Variants in AHCYL2 observed in about 807,000 individuals in gnomAD.
AHCYL2 encodes S-adenosylhomocysteine hydrolase-like protein 2.
In AHCYL2, 28 loss-of-function variants were observed where a neutral mutation model predicts 81.4. The ratio of observed to expected loss-of-function variants is 0.34; its 90% CI spans 0.25 to 0.47. The LOEUF (loss-of-function observed/expected upper bound fraction) is 0.47, where lower values mean the gene tolerates loss of function less well. Among genes scored for constraint, AHCYL2 ranks in the 20% least tolerant of loss-of-function variants. The pLI, the probability that AHCYL2 is intolerant of heterozygous loss-of-function variation, is 1.00. For missense variants in AHCYL2, 551 were observed against 785.1 expected, an observed-to-expected ratio of 0.70 and a Z score of 3.56; for synonymous variants, 272 against 290.2, an observed-to-expected ratio of 0.94 and a Z score of 0.64.
chr7:129,297,331 G>C (rs962198110), intron 1 of AHCYL2, among the ~76,000 whole-genome samples: 2 of 152,156 alleles, frequency 1.3e-5, no homozygotes, highest in African/African-American at 4.8e-5. Context: ...TTAGGACCGG[G>C]CTGAGTTGTG....
chr7:129,262,749 G>A (rs2566878), intron 1 of AHCYL2, among the ~76,000 whole-genome samples: 18,531 of 152,120 alleles, frequency 0.12, 1,496 homozygotes, highest in African/African-American at 0.24. Flanking sequence ...AGATTTCAGG[G>A]CTTCTCTGGG....
intron 1 of AHCYL2, among the ~76,000 whole-genome samples, chr7:129,269,650 T>G (rs1795939455): frequency 6.6e-6 from 1 of 152,046 alleles, no homozygotes; most frequent in Non-Finnish European, 1.5e-5. Flanking sequence ...TGCCTAGGCT[T>G]GTCTTGAACT....
chr7:129,388,516 G>A (rs1795304661), intron 2 of AHCYL2, among the ~76,000 whole-genome samples: 1 of 152,132 alleles, frequency 6.6e-6, no homozygotes, highest in African/African-American at 2.4e-5. Context: ...ATGTCTAATT[G>A]GGTCTGCAGG....
intron 1 of AHCYL2, among the ~76,000 whole-genome samples, chr7:129,293,919 C>T (rs1796962229): frequency 6.6e-6 from 1 of 152,100 alleles, no homozygotes. Context: ...ATTGTTAATT[C>T]ACTTTTAGGA....
chr7:129,374,960 C>G (rs1794605983), intron 1 of AHCYL2, among the ~76,000 whole-genome samples: 1 of 150,934 alleles, frequency 6.6e-6, no homozygotes, highest in Non-Finnish European at 1.5e-5. Flanking sequence ...CACTATGTCT[C>G]TTTCAGAAAT....
At chr7:129,362,597 GTTTTTTTTTTTT>G (rs769346623) in intron 1 of AHCYL2, among the ~76,000 whole-genome samples, 13 of 63,646 alleles carry the variant, frequency 2.0e-4, no homozygotes, top group South Asian at 7.8e-4. Flanking sequence ...TGGTTTTCTT[GTTTTTTTTTTTT>G]TTTTTTTTTT....
intron 1 of AHCYL2, among the ~76,000 whole-genome samples, chr7:129,362,601 T>TTG (rs1793970282): frequency 1.6e-5 from 2 of 126,150 alleles, no homozygotes; most frequent in Admixed American, 1.5e-4. Flanking sequence ...TTTCTTGTTT[T>TTG]TTTTTTTTTT....
chr7:129,419,529 G>A lies in AHCYL2; in HGVS notation c.1462-3311G>A, dbSNP rs904896459. ...AGATCACGCCACTGCACTCTAGCCT[G>A]GATGACAGAGTGAGACTCCGTCTCA... On this transcript the variant is annotated intron_variant, in intron 12 of 16. Transcript: ENST00000325006. The surrounding 1 kb of genome is among the most constrained non-coding windows in gnomAD (Gnocchi z 4.7). 2.0e-5 allele frequency among the ~76,000 whole-genome samples: 3 copies of A among 152,082 alleles called. No homozygotes were observed. The highest frequency in any genetic ancestry group is 7.2e-5 in the African/African-American group (3 of 41,408).
intron 1 of AHCYL2, among the ~76,000 whole-genome samples, chr7:129,339,954 C>T (rs367558474): frequency 1.2e-4 from 17 of 137,230 alleles, no homozygotes; most frequent in Admixed American, 3.7e-4. Context: ...AGTCTCGCTC[C>T]GTCGCCCAGG....
chr7:129,420,898 A>G (rs1024728034), intron 12 of AHCYL2, among the ~76,000 whole-genome samples: 3 of 152,208 alleles, frequency 2.0e-5, no homozygotes, highest in African/African-American at 4.8e-5. Context: ...CACTACAAAT[A>G]TGCTTAAAAT....
In AHCYL2 at chr7:129,379,620, T is replaced by A; in HGVS notation, c.364-18T>A. ...TGGAGGTTCTTTTTCTTTATATAAC[T>A]AGGTTTCTTTTTCTTAGCAGATCCA... is the stretch of plus-strand genomic sequence containing the variant. On this transcript the variant is annotated intron_variant, in intron 1 of 16. Transcript: ENST00000325006. 1 of 1,601,108 alleles carries A rather than the reference T, an allele frequency of 6.2e-7. No individual in the cohort carries two copies. The highest frequency in any genetic ancestry group is 1.1e-5 in the South Asian group (1 of 89,578).
intron 1 of AHCYL2, among the ~76,000 whole-genome samples, chr7:129,343,350 A>G (rs1482204491): frequency 6.6e-6 from 1 of 152,038 alleles, no homozygotes; most frequent in Non-Finnish European, 1.5e-5. Context: ...ATGTTTTCTT[A>G]TTTGTCCTGC....
chr7:129,286,272 A>G (rs1407183367), intron 1 of AHCYL2, among the ~76,000 whole-genome samples: 10 of 152,112 alleles, frequency 6.6e-5, no homozygotes, highest in Admixed American at 5.9e-4. Context: ...TTTGTGTGAG[A>G]TGGAGTCTTG....
intron 1 of AHCYL2, among the ~76,000 whole-genome samples, chr7:129,232,666 C>T (rs1794489340): frequency 6.6e-6 from 1 of 152,200 alleles, no homozygotes; most frequent in South Asian, 2.1e-4. Flanking sequence ...CAATATCCCC[C>T]TCCTTGATCA....
chr7:129,299,608 T>C (rs1035943799), intron 1 of AHCYL2, among the ~76,000 whole-genome samples: 8 of 152,050 alleles, frequency 5.3e-5, no homozygotes, highest in Non-Finnish European at 1.5e-5. Flanking sequence ...TTAGCTAGGA[T>C]GGTGTCGATC....
At chr7:129,341,399 T>G (rs966780737) in intron 1 of AHCYL2, among the ~76,000 whole-genome samples, 1 of 152,060 alleles carries the variant, frequency 6.6e-6, no homozygotes, top group Non-Finnish European at 1.5e-5. Context: ...AGGGAAGTGG[T>G]TGGGGGACAC....
chr7:129,256,533 C>T (rs1443068795), intron 1 of AHCYL2, among the ~76,000 whole-genome samples: 1 of 11,044 alleles, frequency 9.1e-5, no homozygotes, highest in Non-Finnish European at 8.1e-4. Flanking sequence ...ATCTTGCTTC[C>T]CGCCCCCCAC....
intron 1 of AHCYL2, among the ~76,000 whole-genome samples, chr7:129,231,670 A>G (rs1169206615): frequency 6.6e-6 from 1 of 152,242 alleles, no homozygotes; most frequent in Non-Finnish European, 1.5e-5. Flanking sequence ...CAAGAGGTTT[A>G]GTAAACTTGA....
intron 4 of AHCYL2, among the ~76,000 whole-genome samples, chr7:129,391,263 T>C (rs1025244610): frequency 6.6e-6 from 1 of 152,252 alleles, no homozygotes; most frequent in Non-Finnish European, 1.5e-5. Flanking sequence ...AGTATGAGTT[T>C]TCTCTTCATT....
Sources: allele counts gnomAD v4.1 joint callset (sites outside exome capture counted in the v4.1 genomes callset), GRCh38; gene constraint gnomAD v4.1.1; non-coding constraint Gnocchi (gnomAD v3.1); transcripts MANE v1.5; gene names NCBI Gene and HGNC (gene_info 2026-07-23, HGNC 2026-07-21).